The following CCDC148 variants were observed in gnomAD, a reference collection of about 807,000 sequenced individuals.
CCDC148 encodes the protein coiled-coil domain containing 148.
CCDC148 carries 89 observed loss-of-function variants against 85.7 expected under a neutral mutation model. That is an observed-to-expected ratio of 1.04 (90% CI 0.87 to 1.24). The LOEUF (loss-of-function observed/expected upper bound fraction) is 1.24. Ranked by LOEUF, CCDC148 falls within the 50% of genes most tolerant of loss-of-function variation. The pLI is 0.00. For synonymous variants in CCDC148, 230 were observed against 213.9 expected, an observed-to-expected ratio of 1.08 and a Z score of -0.66; for missense variants, 692 against 671.7, an observed-to-expected ratio of 1.03 and a Z score of -0.33.
In CCDC148 at chr2:158,281,325, T is replaced by C. The variant is rs192622246; in HGVS notation, c.1110+28108A>G. Among the ~76,000 whole-genome samples, 247 of 152,140 alleles carry C rather than the reference T, an allele frequency of 1.6e-3. 2 individuals are homozygous for C. Among genetic ancestry groups the C allele is most frequent in the Non-Finnish European group, 3.2e-3 (217 of 67,980 alleles). On this transcript the variant is annotated intron_variant, in intron 9 of 13. Transcript: ENST00000283233. The stretch of plus-strand genomic sequence containing the variant: ...AGACACAAAAAACCCTTCAAAAAAT[T>C]AATGAATCCAGGAGCTGGTTTCTTG...
chr2:158,236,737 C>T (rs186903932), intron 10 of CCDC148, among the ~76,000 whole-genome samples: 62 of 152,278 alleles, frequency 4.1e-4, no homozygotes, highest in African/African-American at 1.4e-3. Context: ...GGCATGCTTT[C>T]CTCTACACCA....
chr2:158,447,178 T>A (rs1292919913), intron 1 of CCDC148: 1 of 152,146 alleles, frequency 6.6e-6, no homozygotes. Context: ...AGAATAGGCC[T>A]CTCTACATTG....
At chr2:158,325,077 G>A (rs10190651) in intron 7 of CCDC148, among the ~76,000 whole-genome samples, 8 of 137,948 alleles carry the variant, frequency 5.8e-5, no homozygotes, top group South Asian at 2.6e-4. Context: ...ACACTGCTAC[G>A]TCTCCTATTT....
chr2:158,399,786 A>G (rs187945914), intron 1 of CCDC148, among the ~76,000 whole-genome samples: 2 of 152,172 alleles, frequency 1.3e-5, no homozygotes, highest in Non-Finnish European at 2.9e-5. Flanking sequence ...GCAATCAGGC[A>G]AGAGAATGAA....
chr2:158,417,000 G>C (rs1686530437), intron 1 of CCDC148, among the ~76,000 whole-genome samples: 1 of 152,176 alleles, frequency 6.6e-6, no homozygotes, highest in African/African-American at 2.4e-5. Context: ...TACATGGCTG[G>C]AGCAGGAGGA....
chr2:158,263,186 C>G (rs1233177714), intron 9 of CCDC148, among the ~76,000 whole-genome samples: 1 of 151,970 alleles, frequency 6.6e-6, no homozygotes, highest in Non-Finnish European at 1.5e-5. Flanking sequence ...AGGGAACAGT[C>G]AAGTTTAGAA....
chr2:158,421,983 A>T (rs1686816035), intron 1 of CCDC148, among the ~76,000 whole-genome samples: 1 of 152,204 alleles, frequency 6.6e-6, no homozygotes, highest in African/African-American at 2.4e-5. Flanking sequence ...AAACTAGAAA[A>T]TCTAGAAGAA....
At chr2:158,433,091 A>AAAAAAATATATATATATATATATATAT (rs1553521585) in intron 1 of CCDC148, among the ~76,000 whole-genome samples, 1 of 51,314 alleles carries the variant, frequency 1.9e-5, no homozygotes, top group Non-Finnish European at 4.2e-5. Flanking sequence ...AAAAAAAAAA[A>AAAAAAATATATATATATATATATATAT]ATATATATAT....
At chr2:158,191,797 C>CT (rs914144227) in intron 11 of CCDC148, among the ~76,000 whole-genome samples, 65 of 151,828 alleles carry the variant, frequency 4.3e-4, no homozygotes, top group African/African-American at 1.6e-3. Context: ...ATCACTGTTC[C>CT]TTTTTTTTCT....
chr2:158,433,249 G>C (rs568440227), intron 1 of CCDC148, among the ~76,000 whole-genome samples: 12 of 104,714 alleles, frequency 1.1e-4, no homozygotes, highest in African/African-American at 3.7e-4. Context: ...AACAGAGTAA[G>C]TCCTTGACTC....
At chr2:158,273,166 G>A (rs1362885318) in intron 9 of CCDC148, among the ~76,000 whole-genome samples, 1 of 152,054 alleles carries the variant, frequency 6.6e-6, no homozygotes, top group Non-Finnish European at 1.5e-5. Flanking sequence ...ACAATCAGAG[G>A]AAAATTTTGA....
At chr2:158,433,820 A>T (rs1687496727) in intron 1 of CCDC148, among the ~76,000 whole-genome samples, 1 of 152,182 alleles carries the variant, frequency 6.6e-6, no homozygotes, top group Non-Finnish European at 1.5e-5. Context: ...ACACCAGGAG[A>T]TTATATCCTG....
At chr2:158,336,204 C>T (rs41399744) in intron 7 of CCDC148, among the ~76,000 whole-genome samples, 1,894 of 152,200 alleles carry the variant, frequency 0.012, 29 homozygotes, top group African/African-American at 0.039. Flanking sequence ...ATGATTGAAC[C>T]TATAATTCAT....
At chr2:158,443,382 T>C (rs1344398029) in intron 1 of CCDC148, among the ~76,000 whole-genome samples, 4 of 151,080 alleles carry the variant, frequency 2.6e-5, no homozygotes, top group Admixed American at 2.6e-4. Context: ...CCTGTGCCTG[T>C]GGTCCCAGCT....
chr2:158,194,675 G>A (rs533018667), intron 11 of CCDC148, among the ~76,000 whole-genome samples: 18 of 152,194 alleles, frequency 1.2e-4, no homozygotes, highest in African/African-American at 4.3e-4. Context: ...TCCATTGCAT[G>A]GGAACTATAG....
At chr2:158,247,348 A>C (rs548280005) in intron 10 of CCDC148, among the ~76,000 whole-genome samples, 1 of 152,270 alleles carries the variant, frequency 6.6e-6, no homozygotes, top group South Asian at 2.1e-4. Context: ...AGTATCTTAT[A>C]AACCACCCCC....
At chr2:158,183,095 C>A (rs374985548) in intron 11 of CCDC148, among the ~76,000 whole-genome samples, 1 of 152,088 alleles carries the variant, frequency 6.6e-6, no homozygotes, top group East Asian at 1.9e-4. Flanking sequence ...CCTGAGTCTA[C>A]AAAGGTTGAA....
At position 158,294,008 on chromosome 2, in the gene CCDC148, CCTTCCTTCCTTCCTTCCTTCCTTCCT is replaced by C. The variant is rs1691039382; in HGVS notation, c.1110+15399_1110+15424del. The stretch of plus-strand genomic sequence containing the variant: ...TCCCTCCCTCCCTCCCTCCCTCCTT[CCTTCCTTCCTTCCTTCCTTCCTTCCT>C]TCCTTCCTTCCTTCCTTCCTTCCTT... On this transcript the variant is annotated intron_variant, in intron 9 of 13. Coordinates refer to ENST00000283233, the MANE Select transcript of CCDC148 (RefSeq NM_138803.4). Among the ~76,000 whole-genome samples, 72 of 10,916 alleles carry C rather than the reference CCTTCCTTCCTTCCTTCCTTCCTTCCT, an allele frequency of 6.6e-3. 7 individuals carry two copies. Among genetic ancestry groups the C allele is most frequent in the African/African-American group, 0.032 (67 of 2,096 alleles). The allele number at this position is 10,916 out of a possible 152,430, so 7.2% of individuals were successfully genotyped here.
At chr2:158,300,081 TA>T (rs1691371392) in intron 9 of CCDC148, among the ~76,000 whole-genome samples, 1 of 152,218 alleles carries the variant, frequency 6.6e-6, no homozygotes, top group Non-Finnish European at 1.5e-5. Context: ...GTTTTATTTT[TA>T]AAACTACATT....
Sources: allele counts gnomAD v4.1 joint callset (sites outside exome capture counted in the v4.1 genomes callset), GRCh38; gene constraint gnomAD v4.1.1; transcripts MANE v1.5; gene names NCBI Gene and HGNC (gene_info 2026-07-23, HGNC 2026-07-21).